The following CTNNA2 variants were observed in gnomAD, a reference collection of about 807,000 sequenced individuals.
CTNNA2 encodes catenin alpha-2.
CTNNA2 carries 42 observed loss-of-function variants against 101.0 expected under a neutral mutation model. The observed-to-expected ratio is 0.42, with a 90% confidence interval of 0.32 to 0.54. The LOEUF (loss-of-function observed/expected upper bound fraction) is 0.54. Among genes scored for constraint, CTNNA2 ranks in the 20% least tolerant of loss-of-function variants. The probability of loss-of-function intolerance (pLI) is 0.14; values close to 1 mark genes in which losing one functional copy is unlikely to be tolerated. For missense variants in CTNNA2, 871 were observed against 1,223.1 expected (o/e 0.71, Z 4.29); for synonymous variants, 450 against 456.4 (o/e 0.99, Z 0.18).
At chr2:80,095,245 C>G (rs1366555156) in intron 7 of CTNNA2, among the ~76,000 whole-genome samples, 1 of 152,168 alleles carries the variant, frequency 6.6e-6, no homozygotes, top group Non-Finnish European at 1.5e-5. Flanking sequence ...GCCTTTTCTG[C>G]ATCTATTGAG....
intron 3 of CTNNA2, among the ~76,000 whole-genome samples, chr2:79,752,328 A>G (rs1672100310): frequency 6.6e-6 from 1 of 152,218 alleles, no homozygotes; most frequent in East Asian, 1.9e-4. Context: ...TAAAGGAGAT[A>G]GTGATCACTC....
At position 80,318,408 on chromosome 2, in the gene CTNNA2, G is replaced by A. The variant is rs145985996; in HGVS notation, c.1057-74803G>A. Among the ~76,000 whole-genome samples the A allele has an allele frequency of 5.9e-3, 902 of 152,250 alleles. 9 individuals carry two copies. Among genetic ancestry groups the A allele is most frequent in the African/African-American group, 0.021 (856 of 41,538 alleles). On this transcript the variant is annotated intron_variant, in intron 7 of 18. Coordinates refer to ENST00000402739, the MANE Select transcript of CTNNA2 (RefSeq NM_001282597.3). ...GAGCAAAGTCCAGGTTGTATTCCTGGTGTAGTGAAGATAGAGTTGGGATAG... is the reference window on the plus strand; with the variant it reads ...GAGCAAAGTCCAGGTTGTATTCCTGATGTAGTGAAGATAGAGTTGGGATAG...
chr2:79,679,254 G>A (rs1024882045), intron 2 of CTNNA2, among the ~76,000 whole-genome samples: 25 of 151,982 alleles, frequency 1.6e-4, no homozygotes, highest in African/African-American at 5.6e-4. Flanking sequence ...ATAATGTATC[G>A]GATGAATATA....
At position 80,075,598 on chromosome 2, in the gene CTNNA2, A is replaced by ATAAAAAT. The variant is rs1558783298; in HGVS notation, c.1056+165801_1056+165802insTAAAAAT. On this transcript the variant is annotated intron_variant, in intron 7 of 18. Transcript: ENST00000402739. ...ATAATATTTATACATGTATAAATAT[A>ATAAAAAT]AATATTTATACATGTATAAATATAA... Among the ~76,000 whole-genome samples, 12 of 73,986 alleles carry ATAAAAAT rather than the reference A, an allele frequency of 1.6e-4. 1 individual carries two copies. Among genetic ancestry groups the ATAAAAAT allele is most frequent in the African/African-American group, 6.3e-4 (12 of 18,962 alleles). The allele number at this position is 73,986 out of a possible 152,430, so 48.5% of individuals were successfully genotyped here. A position where few individuals can be genotyped will look rare whatever the true frequency, so the allele number is the denominator to read the frequency against.
intron 3 of CTNNA2, among the ~76,000 whole-genome samples, chr2:79,801,914 C>T (rs1176433441): frequency 2.0e-5 from 3 of 149,564 alleles, no homozygotes; most frequent in Non-Finnish European, 4.4e-5. Flanking sequence ...ATCGCTTGAA[C>T]CCGGGAGGCA....
intron 18 of CTNNA2, among the ~76,000 whole-genome samples, chr2:80,630,179 A>C (rs763148316): frequency 6.6e-6 from 1 of 152,174 alleles, no homozygotes; most frequent in African/African-American, 2.4e-5. Flanking sequence ...AACGGTAATT[A>C]AGGGTTTCAG....
intron 3 of CTNNA2, among the ~76,000 whole-genome samples, chr2:79,321,389 A>C (rs1676620185): frequency 1.3e-5 from 2 of 150,278 alleles, no homozygotes; most frequent in Admixed American, 1.3e-4. Context: ...ACCAATACGT[A>C]TGAAAGTAAT....
At chr2:80,444,556 T>C (rs937309162) in intron 9 of CTNNA2, among the ~76,000 whole-genome samples, 1 of 152,178 alleles carries the variant, frequency 6.6e-6, no homozygotes, top group Non-Finnish European at 1.5e-5. Context: ...GGCTGAATTG[T>C]ACCCCGCTCC....
rs547024509 is a variant in CTNNA2, at chr2:79,607,501, G to C, written c.-5-44051G>C. Among the ~76,000 whole-genome samples, 25 of 152,070 alleles carry C rather than the reference G, an allele frequency of 1.6e-4. No homozygotes were observed. In the South Asian group the frequency reaches 5.2e-3, roughly 32 times the overall value. ...ATTTTCCAAGATAGACCATATTGTA[G>C]TAAATAAAACAAATTTCAATAAAAT... On this transcript the variant is annotated intron_variant, in intron 1 of 18. Transcript: ENST00000402739.
chr2:79,515,959 A>G (rs1320453183), intron 1 of CTNNA2, among the ~76,000 whole-genome samples: 1 of 152,192 alleles, frequency 6.6e-6, no homozygotes, highest in Non-Finnish European at 1.5e-5. Context: ...GAGGCATTCC[A>G]AGAAAGTAGA....
chr2:80,488,197 C>T (rs1311125611), intron 9 of CTNNA2, among the ~76,000 whole-genome samples: 1 of 152,142 alleles, frequency 6.6e-6, no homozygotes, highest in Non-Finnish European at 1.5e-5. Flanking sequence ...ATGGTTTTAC[C>T]TCCTATGGAT....
intron 7 of CTNNA2, among the ~76,000 whole-genome samples, chr2:80,367,457 G>C (rs1215424763): frequency 2.0e-5 from 3 of 152,026 alleles, no homozygotes; most frequent in African/African-American, 7.2e-5. Flanking sequence ...CTGGCCTGTA[G>C]CAGACATTCA....
At chr2:80,316,803 G>T (rs562445533) in intron 7 of CTNNA2, among the ~76,000 whole-genome samples, 1 of 152,242 alleles carries the variant, frequency 6.6e-6, no homozygotes, top group East Asian at 1.9e-4. Context: ...TATCTATTGA[G>T]TACTTCACAT....
chr2:79,279,672 T>A (rs1229865844), intron 2 of CTNNA2, among the ~76,000 whole-genome samples: 22 of 152,100 alleles, frequency 1.4e-4, no homozygotes, highest in Admixed American at 1.3e-3. Context: ...ATGACTGCTT[T>A]TTTGATTTTG....
intron 16 of CTNNA2, among the ~76,000 whole-genome samples, chr2:80,606,891 A>G (rs1261330918): frequency 6.6e-6 from 1 of 151,880 alleles, no homozygotes; most frequent in Non-Finnish European, 1.5e-5. Flanking sequence ...CTGGGGAGAT[A>G]TCATTTTAAA....
At chr2:79,805,142 G>A (rs1676468373) in intron 3 of CTNNA2, among the ~76,000 whole-genome samples, 1 of 152,168 alleles carries the variant, frequency 6.6e-6, no homozygotes, top group Non-Finnish European at 1.5e-5. Flanking sequence ...TGACGATTGT[G>A]TAATAAGCCC....
intron 3 of CTNNA2, 88 bp downstream of exon 3, chr2:79,744,670 AAAG>A (rs1332912332): frequency 6.3e-6 from 8 of 1,270,786 alleles, no homozygotes; most frequent in Non-Finnish European, 8.6e-6. Context: ...ATATTTACTC[AAAG>A]AAGAAGTCTT....
intron 3 of CTNNA2, among the ~76,000 whole-genome samples, chr2:79,831,324 A>G (rs955311655): frequency 4.6e-5 from 7 of 152,124 alleles, no homozygotes; most frequent in Non-Finnish European, 8.8e-5. Context: ...TGGTAGAGTT[A>G]TTTTAAATCT....
At chr2:79,763,524 G>A (rs1384644166) in intron 3 of CTNNA2, among the ~76,000 whole-genome samples, 1 of 151,880 alleles carries the variant, frequency 6.6e-6, no homozygotes, top group Non-Finnish European at 1.5e-5. Flanking sequence ...TATTTCAAAG[G>A]GCATTGCAAG....
Sources: allele counts gnomAD v4.1 joint callset (sites outside exome capture counted in the v4.1 genomes callset), GRCh38; gene constraint gnomAD v4.1.1; transcripts MANE v1.5; gene names NCBI Gene and HGNC (gene_info 2026-07-23, HGNC 2026-07-21).